LIMCH1: variants seen among roughly 807,000 people sequenced by gnomAD.
LIMCH1 encodes LIM and calponin homology domains 1.
Under a neutral mutation model 176.5 loss-of-function variants are expected in LIMCH1, and 113 were observed. That is an observed-to-expected ratio of 0.64 (90% CI 0.55 to 0.75). The LOEUF is 0.75. Among genes scored for constraint, LIMCH1 ranks in the 30% least tolerant of loss-of-function variants. The probability of loss-of-function intolerance (pLI) is 0.00; values close to 1 mark genes in which losing one functional copy is unlikely to be tolerated. For synonymous variants in LIMCH1, 619 were observed against 645.9 expected (o/e 0.96, Z 0.63); for missense variants, 1,674 against 1,814.9 (o/e 0.92, Z 1.41).
intron 1 of LIMCH1, among the ~76,000 whole-genome samples, chr4:41,493,925 G>A (rs780616703): frequency 6.6e-6 from 1 of 152,098 alleles, no homozygotes; most frequent in African/African-American, 2.4e-5. Context: ...CTTGATGTTA[G>A]TCCCTTGAGA....
At chr4:41,419,891 TAACTTC>T (rs2060462501) in intron 1 of LIMCH1, among the ~76,000 whole-genome samples, 3 of 151,492 alleles carry the variant, frequency 2.0e-5, no homozygotes, top group African/African-American at 7.3e-5. Context: ...ATTGAGGATA[TAACTTC>T]GAACCAGATG....
At chr4:41,594,930 G>A (rs997089195) in intron 1 of LIMCH1, among the ~76,000 whole-genome samples, 2 of 152,286 alleles carry the variant, frequency 1.3e-5, no homozygotes, top group Admixed American at 1.3e-4. Flanking sequence ...TGTCCAGAGA[G>A]CATCAACACT....
chr4:41,555,700 A>G (rs773077035), intron 1 of LIMCH1, among the ~76,000 whole-genome samples: 2 of 152,180 alleles, frequency 1.3e-5, no homozygotes, highest in Non-Finnish European at 2.9e-5. Context: ...AGCAAGTTCT[A>G]TAAACAAGGG....
intron 17 of LIMCH1, among the ~76,000 whole-genome samples, chr4:41,649,082 A>C (rs1486908316): frequency 6.6e-6 from 1 of 152,162 alleles, no homozygotes; most frequent in African/African-American, 2.4e-5. Context: ...CCAGCCTTCC[A>C]TTATTTCTTT....
chr4:41,612,157 T>C (rs540395155), intron 4 of LIMCH1, among the ~76,000 whole-genome samples: 1 of 152,262 alleles, frequency 6.6e-6, no homozygotes, highest in South Asian at 2.1e-4. Context: ...CAAAGCTGTG[T>C]GTGTCTTGTA....
chr4:41,439,622 G>A (rs2062483554), intron 1 of LIMCH1, among the ~76,000 whole-genome samples: 1 of 151,928 alleles, frequency 6.6e-6, no homozygotes, highest in South Asian at 2.1e-4. Flanking sequence ...TTAAAAAAGT[G>A]GGCTGGGTGC....
intron 1 of LIMCH1, among the ~76,000 whole-genome samples, chr4:41,400,006 A>AC (rs2058241452): frequency 7.6e-6 from 1 of 131,330 alleles, no homozygotes; most frequent in Non-Finnish European, 1.7e-5. Flanking sequence ...TTTCATTTCC[A>AC]TTTTTTTTTT....
At chr4:41,524,182 C>T (rs1437114345) in intron 2 of LIMCH1, among the ~76,000 whole-genome samples, 1 of 152,204 alleles carries the variant, frequency 6.6e-6, no homozygotes, top group Non-Finnish European at 1.5e-5. Context: ...CTTTTCTCAT[C>T]TCTCAACATT....
At chr4:41,370,241 C>T (rs2053759870) in intron 1 of LIMCH1, among the ~76,000 whole-genome samples, 1 of 152,110 alleles carries the variant, frequency 6.6e-6, no homozygotes, top group South Asian at 2.1e-4. Context: ...TCTCTTTCAC[C>T]TGTTATAGAA....
intron 1 of LIMCH1, among the ~76,000 whole-genome samples, chr4:41,565,374 CACACACACATACACACACACACAG>C (rs2082598540): frequency 6.8e-6 from 1 of 147,402 alleles, no homozygotes; most frequent in African/African-American, 2.6e-5. Context: ...CACACACACA[CACACACACATACACACACACACAG>C]ACACACACAC....
chr4:41,534,772 A>T (rs2077694566), upstream of LIMCH1, among the ~76,000 whole-genome samples: 1 of 151,950 alleles, frequency 6.6e-6, no homozygotes, highest in African/African-American at 2.4e-5. Context: ...GGAGTGTTTG[A>T]TCCACATTGG....
chr4:41,615,387 C>T (rs2091950177), intron 5 of LIMCH1, among the ~76,000 whole-genome samples: 1 of 152,024 alleles, frequency 6.6e-6, no homozygotes, highest in African/African-American at 2.4e-5. Context: ...GTATGAAGTA[C>T]AATTTAGTTT....
rs1356794492 is a variant in LIMCH1 at position 41,633,698 on chromosome 4, G to A, written c.1980G>A (p.Gly660=). The change falls in exon 13 of 32, where the codon GGG becomes GGA. Residue 660 remains glycine (G), a synonymous_variant. Coordinates refer to ENST00000503057, the MANE Select transcript of LIMCH1 (RefSeq NM_001330672.2). The part of the protein sequence containing the change: ...RKDDMMARRT[G]MSLRHTGSNP... ...ATGACATGATGGCCAGGAGAACTGG[G>A]ATGTCCCTTAGACACACTGGATCCA... 5.2e-6 allele frequency: 8 copies of A among 1,536,078 alleles called. No individual in the cohort carries two copies. The highest frequency in any genetic ancestry group is 1.4e-5 in the African/African-American group (1 of 73,054).
intron 1 of LIMCH1, among the ~76,000 whole-genome samples, chr4:41,570,887 C>T (rs188938156): frequency 1.6e-3 from 245 of 152,242 alleles, no homozygotes; most frequent in Middle Eastern, 6.8e-3. Flanking sequence ...GTGGAGCATT[C>T]TAGCATCCAT....
At chr4:41,475,023 G>A (rs1226980599) in intron 1 of LIMCH1, among the ~76,000 whole-genome samples, 1 of 151,948 alleles carries the variant, frequency 6.6e-6, no homozygotes, top group Admixed American at 6.6e-5. Flanking sequence ...GACAATATGA[G>A]CGAACCTAGA....
intron 1 of LIMCH1, chr4:41,494,474 T>A: frequency 8.9e-7 from 1 of 1,127,916 alleles, no homozygotes; most frequent in Non-Finnish European, 1.3e-6. Context: ...CATATATATA[T>A]GATTGGACTT....
In LIMCH1 at chr4:41,613,385, T is replaced by C. The variant is rs56150089; in HGVS notation, c.10-81T>C. The C allele has an allele frequency of 3.4e-3, 4,148 of 1,213,162 alleles. 111 individuals carry two copies. The African/African-American group carries it at 0.054, about 16-fold the overall frequency. 75.1% of individuals were successfully genotyped at this position (1,213,162 alleles called of 1,614,324 possible). A position where few individuals can be genotyped will look rare whatever the true frequency, so the allele number is the denominator to read the frequency against. On this transcript the variant is annotated intron_variant, in intron 4 of 31. Transcript: ENST00000503057. The stretch of plus-strand genomic sequence containing the variant: ...TCTGATGTGATATGCAGGGGTTTTT[T>C]TGGAGACCACTGGAGACCCATCTTC...
At chr4:41,565,346 T>TACACACACACACACACAC (rs34056313) in intron 1 of LIMCH1, among the ~76,000 whole-genome samples, 3 of 128,586 alleles carry the variant, frequency 2.3e-5, no homozygotes, top group African/African-American at 8.8e-5. Context: ...CTATTTCGGA[T>TACACACACACACACACAC]ACACACACAC....
At chr4:41,491,843 G>A (rs1174622421) in intron 1 of LIMCH1, among the ~76,000 whole-genome samples, 5 of 149,006 alleles carry the variant, frequency 3.4e-5, no homozygotes, top group South Asian at 2.2e-4. Flanking sequence ...CTTCCCATTC[G>A]GGGCAGCCGG....
Sources: gnomAD v4.1 joint callset for allele counts (sites outside exome capture counted in the v4.1 genomes callset) on GRCh38, gnomAD v4.1.1 for gene constraint, MANE v1.5 for transcripts, NCBI Gene and HGNC (gene_info 2026-07-23, HGNC 2026-07-21) for gene names.